The following LEPR variants were observed in gnomAD, a reference collection of about 807,000 sequenced individuals.
The protein encoded by LEPR is OB receptor.
A neutral mutation model predicts 114.7 loss-of-function variants in LEPR; 56 were observed. The observed-to-expected ratio is 0.49, with a 90% CI of 0.39 to 0.61. The LOEUF (loss-of-function observed/expected upper bound fraction) is 0.61, where lower values mean the gene tolerates loss of function less well. Ranked by LOEUF, LEPR falls within the 20% of genes least tolerant of loss-of-function variation. LEPR has a pLI of 0.00. For synonymous variants in LEPR, 443 were observed against 461.4 expected, an observed-to-expected ratio of 0.96 and a Z score of 0.51; for missense variants, 1,202 against 1,352.9, an observed-to-expected ratio of 0.89 and a Z score of 1.75.
chr1:65,524,358 A>G (rs1259612937), intron 2 of LEPR, among the ~76,000 whole-genome samples: 1 of 152,194 alleles, frequency 6.6e-6, no homozygotes, highest in East Asian at 1.9e-4. Context: ...TTTTTCGCCT[A>G]CCACAGATAG....
chr1:65,620,417 G>A (rs960973042), intron 17 of LEPR, among the ~76,000 whole-genome samples: 2 of 152,144 alleles, frequency 1.3e-5, no homozygotes, highest in African/African-American at 4.8e-5. Context: ...TATTAATTGA[G>A]CATTGTTCTA....
chr1:65,481,831 A>G (rs1647249040), intron 2 of LEPR, among the ~76,000 whole-genome samples: 1 of 150,946 alleles, frequency 6.6e-6, no homozygotes, highest in Non-Finnish European at 1.5e-5. Context: ...CTAAAAAAAA[A>G]AAAACACCCC....
intron 5 of LEPR, among the ~76,000 whole-genome samples, chr1:65,590,086 A>G (rs1366367185): frequency 1.3e-5 from 2 of 151,894 alleles, no homozygotes; most frequent in Admixed American, 6.6e-5. Flanking sequence ...TTAGGTCTTA[A>G]TAATTTCCGT....
intron 2 of LEPR, among the ~76,000 whole-genome samples, chr1:65,549,662 A>T (rs550296857): frequency 6.6e-6 from 1 of 152,108 alleles, no homozygotes; most frequent in South Asian, 2.1e-4. Context: ...TTTCAGCTCT[A>T]TCAGCTCCTT....
chr1:65,570,487 AT>A lies in LEPR; in HGVS notation c.56del (p.Ile19LysfsTer97). On this transcript the variant is annotated frameshift_variant, in exon 4 of 20. Coordinates refer to ENST00000349533, the MANE Select transcript of LEPR (RefSeq NM_002303.6). LOFTEE classifies it high-confidence loss of function. The part of the protein sequence containing the change: ...VLLHWEFIYV[I>X]TAFNLSYPIT... ...TATCCTAACAGAATTTATTTATGTG[AT>A]AACTGCGTTTAACTTGTCATATCCA... is the stretch of plus-strand genomic sequence containing the variant. 1 of 1,613,590 alleles carries A rather than the reference AT, an allele frequency of 6.2e-7. No individual in the cohort carries two copies. Among genetic ancestry groups the A allele is most frequent in the South Asian group, 1.1e-5 (1 of 90,980 alleles).
At chr1:65,602,148 A>G (rs1386014641) in intron 10 of LEPR, among the ~76,000 whole-genome samples, 188 bp downstream of exon 10, 1 of 152,118 alleles carries the variant, frequency 6.6e-6, no homozygotes, top group Non-Finnish European at 1.5e-5. Context: ...CACACCTGAG[A>G]TTAAAAAATT....
chr1:65,507,459 G>GTGTGTGTGTA lies in LEPR; in HGVS notation c.-20-58086_-20-58085insGTGTGTGTAT, dbSNP rs375120311. Reference sequence around the variant, plus strand: ...CCATTGTGTGTGTGTGTGTGTGTGTGTATATATATATATACACATATATAT... The same window carrying GTGTGTGTGTA: ...CCATTGTGTGTGTGTGTGTGTGTGTGTGTGTGTGTATATATATATATATACACATATATAT... On this transcript the variant is annotated intron_variant, in intron 2 of 19. Transcript: ENST00000349533. 8.1e-3 allele frequency among the ~76,000 whole-genome samples: 1,129 copies of GTGTGTGTGTA among 139,508 alleles called. 5 individuals are homozygous for GTGTGTGTGTA. The highest frequency in any genetic ancestry group is 0.014 in the Admixed American group (194 of 13,586). The allele number at this position is 139,508 out of a possible 152,430, so 91.5% of individuals were successfully genotyped here. A position where few individuals can be genotyped will look rare whatever the true frequency, so the allele number is the denominator to read the frequency against.
intron 19 of LEPR, among the ~76,000 whole-genome samples, chr1:65,625,023 T>C (rs1169048104): frequency 6.6e-6 from 1 of 152,202 alleles, no homozygotes; most frequent in Admixed American, 6.5e-5. Context: ...ATTAAAACAG[T>C]GTTGCCGAGT....
chr1:65,544,963 C>G (rs1474581553), intron 2 of LEPR, among the ~76,000 whole-genome samples: 4 of 149,828 alleles, frequency 2.7e-5, no homozygotes, highest in Non-Finnish European at 6.0e-5. Flanking sequence ...CCACTCCCCC[C>G]ACCCCACAAC....
rs567676856 is a variant in LEPR, at chr1:65,455,197, A to G, written c.-21+29819A>G. Among the ~76,000 whole-genome samples, 69 of 152,174 alleles carry G rather than the reference A, an allele frequency of 4.5e-4. 1 individual carries two copies. Among genetic ancestry groups the G allele is most frequent in the Admixed American group, 2.0e-3 (30 of 15,290 alleles). On this transcript the variant is annotated intron_variant, in intron 2 of 19. Coordinates refer to ENST00000349533, the MANE Select transcript of LEPR (RefSeq NM_002303.6). ...TTATGCATTCTTCTAAACTTTTTTCAAAGTTTTCAACTTCTTTGCCTTTGG... is the reference window on the plus strand; with the variant it reads ...TTATGCATTCTTCTAAACTTTTTTCGAAGTTTTCAACTTCTTTGCCTTTGG...
At chr1:65,436,788 G>C (rs1179878675) in intron 2 of LEPR, among the ~76,000 whole-genome samples, 3 of 152,178 alleles carry the variant, frequency 2.0e-5, no homozygotes, top group African/African-American at 7.2e-5. Context: ...TGAATGACTA[G>C]ATATTAACTT....
Position 65,622,915 on chromosome 1 carries a change from G to T in LEPR, c.2607G>T (p.Lys869Asn), listed in dbSNP as rs1430867450. 1.9e-6 allele frequency: 3 copies of T among 1,613,830 alleles called. No individual in the cohort carries two copies. The South Asian group carries it at 3.3e-5, about 18-fold the overall frequency. The stretch of plus-strand genomic sequence containing the variant: ...TGTTTATCCTTTGTAGAATGAAAAA[G>T]CTATTTTGGGAAGATGTTCCGAACC... The part of the protein sequence containing the change: ...TLLISHQRMK[K>N]LFWEDVPNPK... The change falls in exon 19 of 20, where the codon AAG becomes AAT. Residue 869 changes from lysine to asparagine, a missense_variant. By Grantham distance (94) the Lys-to-Asn change is moderately conservative. Transcript: ENST00000349533.
At chr1:65,504,828 T>C (rs1229571638) in intron 2 of LEPR, among the ~76,000 whole-genome samples, 3 of 152,160 alleles carry the variant, frequency 2.0e-5, no homozygotes, top group East Asian at 3.8e-4. Flanking sequence ...ATAGAAATAA[T>C]AGGGGAGATT....
chr1:65,427,732 A>G (rs1415594544), intron 2 of LEPR: 5 of 369,228 alleles, frequency 1.4e-5, no homozygotes, highest in Admixed American at 9.3e-5. Flanking sequence ...CATTACTGCT[A>G]CTACAAATAA....
At chr1:65,558,277 A>G (rs1454905818) in intron 2 of LEPR, among the ~76,000 whole-genome samples, 2 of 152,200 alleles carry the variant, frequency 1.3e-5, no homozygotes, top group Admixed American at 1.3e-4. Flanking sequence ...CTAAAGAACC[A>G]TTGTGATATC....
At chr1:65,449,406 C>T (rs534459314) in intron 2 of LEPR, among the ~76,000 whole-genome samples, 3 of 152,164 alleles carry the variant, frequency 2.0e-5, no homozygotes, top group South Asian at 2.1e-4. Context: ...TCTCCTGTTC[C>T]CTGTGCTCCC....
intron 2 of LEPR, among the ~76,000 whole-genome samples, chr1:65,467,009 C>T (rs930909547): frequency 8.6e-5 from 13 of 152,034 alleles, no homozygotes; most frequent in African/African-American, 2.7e-4. Flanking sequence ...TTGTTATTAC[C>T]GACCTTCTGA....
chr1:65,609,408 T>C (rs1289343634), intron 12 of LEPR, among the ~76,000 whole-genome samples: 2 of 152,244 alleles, frequency 1.3e-5, no homozygotes, highest in Non-Finnish European at 1.5e-5. Flanking sequence ...GTCATTCCCG[T>C]AGTGGCAAGT....
At chr1:65,590,609 T>TAA (rs1655630644) in intron 5 of LEPR, among the ~76,000 whole-genome samples, 2 of 107,662 alleles carry the variant, frequency 1.9e-5, no homozygotes, top group Non-Finnish European at 3.8e-5. Flanking sequence ...CCTTCCACCA[T>TAA]GATTCTAAGT....
Sources: allele counts gnomAD v4.1 joint callset (sites outside exome capture counted in the v4.1 genomes callset), GRCh38; gene constraint gnomAD v4.1.1; transcripts MANE v1.5; gene names NCBI Gene and HGNC (gene_info 2026-07-23, HGNC 2026-07-21).